Variants in GNAQ observed in about 807,000 individuals in gnomAD.
The protein encoded by GNAQ is G protein subunit alpha q, also known as guanine nucleotide-binding protein G(q) subunit alpha.
Under a neutral mutation model 43.9 loss-of-function variants are expected in GNAQ, and 8 were observed. The observed-to-expected ratio is 0.18, with a 90% confidence interval of 0.11 to 0.33. The LOEUF (loss-of-function observed/expected upper bound fraction) is 0.33. Ranked by LOEUF, GNAQ falls within the 10% of genes least tolerant of loss-of-function variation. The pLI, the probability that GNAQ is intolerant of heterozygous loss-of-function variation, is 1.00. For missense variants in GNAQ, 158 were observed against 450.8 expected, an observed-to-expected ratio of 0.35 and a Z score of 5.88; for synonymous variants, 155 against 170.7, an observed-to-expected ratio of 0.91 and a Z score of 0.71.
intron 2 of GNAQ, among the ~76,000 whole-genome samples, chr9:77,832,893 G>A (rs924808327): frequency 2.6e-5 from 4 of 152,166 alleles, no homozygotes; most frequent in Admixed American, 2.6e-4. Flanking sequence ...TCACAGGTTG[G>A]CCTTTTCAAT....
intron 1 of GNAQ, among the ~76,000 whole-genome samples, chr9:78,025,467 C>G (rs1307148826): frequency 1.3e-5 from 2 of 152,184 alleles, no homozygotes; most frequent in African/African-American, 4.8e-5. Flanking sequence ...CCTTCTATTG[C>G]TATTTCACAC....
intron 1 of GNAQ, among the ~76,000 whole-genome samples, chr9:77,928,398 C>G (rs1254824078): frequency 2.0e-5 from 3 of 152,140 alleles, no homozygotes; most frequent in African/African-American, 7.2e-5. Context: ...TTAGTATAAC[C>G]AACTACAAGT....
chr9:77,940,044 T>C (rs1404066895), intron 1 of GNAQ, among the ~76,000 whole-genome samples: 1 of 152,182 alleles, frequency 6.6e-6, no homozygotes, highest in African/African-American at 2.4e-5. Context: ...CTAGACAATA[T>C]GTGTAAACCA....
At chr9:77,732,646 G>A (rs1013944528) in intron 5 of GNAQ, among the ~76,000 whole-genome samples, 1 of 152,170 alleles carries the variant, frequency 6.6e-6, no homozygotes, top group African/African-American at 2.4e-5. Context: ...GATTACAGGC[G>A]TGAGCCACCG....
intron 2 of GNAQ, among the ~76,000 whole-genome samples, chr9:77,849,428 T>G (rs756755143): frequency 6.6e-6 from 1 of 152,144 alleles, no homozygotes. Context: ...GAGTTCAATG[T>G]GGAGCCATGT....
chr9:77,762,182 C>T lies in GNAQ; in HGVS notation c.735+32281G>A, dbSNP rs866809126. On this transcript the variant is annotated intron_variant, in intron 5 of 6. Coordinates refer to ENST00000286548, the MANE Select transcript of GNAQ (RefSeq NM_002072.5). ...TCCGGGAGGTGAGGGGCGCCTCTGC[C>T]CGGCCACCCCTACTGGGAAGTGAGG... 9.7e-3 allele frequency among the ~76,000 whole-genome samples: 1,343 copies of T among 139,144 alleles called. 10 individuals carry two copies. The highest frequency in any genetic ancestry group is 0.034 in the African/African-American group (1,253 of 37,018). 91.3% of individuals were successfully genotyped at this position (139,144 alleles called of 152,430 possible).
chr9:77,872,530 C>T (rs1324690957), intron 2 of GNAQ, among the ~76,000 whole-genome samples: 2 of 152,094 alleles, frequency 1.3e-5, no homozygotes, highest in African/African-American at 2.4e-5. Context: ...AAAAACTGTT[C>T]CTGCCTCCAA....
intron 2 of GNAQ, among the ~76,000 whole-genome samples, chr9:77,830,837 C>CCACACA (rs5898566): frequency 1.6e-4 from 24 of 150,702 alleles, no homozygotes; most frequent in Admixed American, 9.9e-4. Context: ...AGGTGTTATA[C>CCACACA]CACACACACA....
At chr9:77,907,288 GCC>G (rs1828725140) in intron 2 of GNAQ, among the ~76,000 whole-genome samples, 1 of 151,998 alleles carries the variant, frequency 6.6e-6, no homozygotes, top group African/African-American at 2.4e-5. Context: ...CAAAGATATC[GCC>G]ATGGGAAATG....
At chr9:77,723,564 C>T (rs1454608958) in intron 6 of GNAQ, among the ~76,000 whole-genome samples, 2 of 152,066 alleles carry the variant, frequency 1.3e-5, no homozygotes, top group African/African-American at 2.4e-5. Flanking sequence ...CCAAACCAAA[C>T]AGAATATCAG....
intron 5 of GNAQ, among the ~76,000 whole-genome samples, chr9:77,769,945 C>T (rs946185559): frequency 1.3e-5 from 2 of 152,070 alleles, no homozygotes; most frequent in African/African-American, 2.4e-5. Flanking sequence ...GGATTACAGA[C>T]GTGAGCCACC....
chr9:78,031,670 C>A lies in GNAQ; in HGVS notation c.-435G>T, dbSNP rs1824064543. Among the ~76,000 whole-genome samples the A allele has an allele frequency of 6.8e-6, 1 of 147,612 alleles. No individual in the cohort carries two copies. The highest frequency in any genetic ancestry group is 1.5e-5 in the Non-Finnish European group (1 of 66,254). ...GAGCTCATTCACCGGGGTGTCCCCG[C>A]AGCGAGCGGCCGCCGACGGCTCCCC... On this transcript the variant is annotated 5_prime_UTR_variant, in exon 1 of 7. Coordinates refer to ENST00000286548, the MANE Select transcript of GNAQ (RefSeq NM_002072.5).
Position 77,794,705 on chromosome 9 carries a change from TCATC to T in GNAQ, c.606-117_606-114del, listed in dbSNP as rs370289221. 956 of 559,880 alleles carry T rather than the reference TCATC, an allele frequency of 1.7e-3. 1 individual carries two copies. Among genetic ancestry groups the T allele is most frequent in the Non-Finnish European group, 2.6e-3 (839 of 321,954 alleles). The allele number at this position is 559,880 out of a possible 1,614,324, so 34.7% of individuals were successfully genotyped here. ...AAAATATTCTCTTGAATGACGATGA[TCATC>T]CAAGTCAATTCAATTAATACTTATT... On this transcript the variant is annotated intron_variant, in intron 4 of 6. Coordinates refer to ENST00000286548, the MANE Select transcript of GNAQ (RefSeq NM_002072.5).
chr9:77,908,212 C>T (rs1828743158), intron 2 of GNAQ, among the ~76,000 whole-genome samples: 1 of 152,148 alleles, frequency 6.6e-6, no homozygotes, highest in Non-Finnish European at 1.5e-5. Flanking sequence ...ACCTTACAAA[C>T]ACCCTGCAGT....
intron 1 of GNAQ, among the ~76,000 whole-genome samples, chr9:78,015,105 G>A (rs1307247830): frequency 3.9e-5 from 6 of 152,138 alleles, no homozygotes; most frequent in South Asian, 2.1e-4. Context: ...TGGTAAGTGC[G>A]CTCTATGTGT....
intron 1 of GNAQ, among the ~76,000 whole-genome samples, chr9:77,973,489 A>G (rs1391427828): frequency 2.0e-5 from 3 of 152,154 alleles, no homozygotes; most frequent in African/African-American, 7.2e-5. Flanking sequence ...AACCACACTG[A>G]GATTCAAGTC....
intron 2 of GNAQ, among the ~76,000 whole-genome samples, chr9:77,860,839 T>C (rs1406904171): frequency 2.0e-5 from 3 of 152,154 alleles, no homozygotes; most frequent in Non-Finnish European, 4.4e-5. Flanking sequence ...ATGACTCCAC[T>C]TAAGGCAACA....
chr9:77,917,667 G>A (rs987274795), intron 2 of GNAQ, among the ~76,000 whole-genome samples: 3 of 152,086 alleles, frequency 2.0e-5, no homozygotes, highest in Non-Finnish European at 2.9e-5. Flanking sequence ...TGATTTGACC[G>A]AGTGACAAAT....
chr9:77,887,073 G>C (rs1399474057), intron 2 of GNAQ, among the ~76,000 whole-genome samples: 1 of 152,158 alleles, frequency 6.6e-6, no homozygotes, highest in Non-Finnish European at 1.5e-5. Flanking sequence ...AGTGAGCCAA[G>C]TTTGCGCCAC....
Sources: gnomAD v4.1 joint callset for allele counts (sites outside exome capture counted in the v4.1 genomes callset) on GRCh38, gnomAD v4.1.1 for gene constraint, MANE v1.5 for transcripts, NCBI Gene and HGNC (gene_info 2026-07-23, HGNC 2026-07-21) for gene names.